THAP4: variants seen among roughly 807,000 people sequenced by gnomAD.
THAP4 encodes the protein THAP domain containing 4.
THAP4 carries 18 observed loss-of-function variants against 48.1 expected under a neutral mutation model. The ratio of observed to expected loss-of-function variants is 0.37; its 90% CI spans 0.26 to 0.56. The LOEUF is 0.56. THAP4 is among the 20% of genes least tolerant of loss of function. THAP4 has a pLI of 0.78. For missense variants in THAP4, 656 were observed against 774.9 expected (o/e 0.85, Z 1.82); for synonymous variants, 345 against 324.9 (o/e 1.06, Z -0.66).
rs1195701437 is a variant in THAP4 at position 241,585,918 on chromosome 2, AAAAAAAAAAAAG to A, written c.1615-1205_1615-1194del. 4.9e-5 allele frequency among the ~76,000 whole-genome samples: 7 copies of A among 142,974 alleles called. No individual in the cohort carries two copies. The South Asian group carries it at 9.4e-4, about 19-fold the overall frequency. The allele number at this position is 142,974 out of a possible 152,430, so 93.8% of individuals were successfully genotyped here. A position where few individuals can be genotyped will look rare whatever the true frequency, so the allele number is the denominator to read the frequency against. ...ACAGAGCAAGACTCCTTCTCAAAAA[AAAAAAAAAAAAG>A]AAAAAAAAAAGAAAAAGAAAAAGAA... On this transcript the variant is annotated intron_variant, in intron 5 of 5. Transcript: ENST00000407315.
chr2:241,587,269 G>A (rs189383647), intron 5 of THAP4, among the ~76,000 whole-genome samples: 49 of 152,264 alleles, frequency 3.2e-4, no homozygotes, highest in Admixed American at 6.5e-4. Context: ...AAGATAAGGC[G>A]AATATGTCCA....
chr2:241,626,028 C>T (rs541630514), intron 2 of THAP4, among the ~76,000 whole-genome samples: 10 of 152,006 alleles, frequency 6.6e-5, no homozygotes, highest in Non-Finnish European at 1.3e-4. Flanking sequence ...ATCATCTGAC[C>T]GTAAATCACA....
At chr2:241,635,148 C>T (rs762164533) in intron 1 of THAP4, among the ~76,000 whole-genome samples, 3 of 152,184 alleles carry the variant, frequency 2.0e-5, no homozygotes, top group Non-Finnish European at 4.4e-5. Context: ...GGCTGGGAGC[C>T]GTGGCTCATG....
intron 2 of THAP4, among the ~76,000 whole-genome samples, chr2:241,617,930 G>C (rs1457720028): frequency 6.6e-6 from 1 of 152,238 alleles, no homozygotes; most frequent in Non-Finnish European, 1.5e-5. Flanking sequence ...CCCAGGACAG[G>C]AAGTGAGCAA....
intron 2 of THAP4, among the ~76,000 whole-genome samples, chr2:241,628,718 G>A (rs553225979): frequency 3.0e-4 from 44 of 146,976 alleles, no homozygotes; most frequent in African/African-American, 1.0e-3. Flanking sequence ...TGGCCAACAT[G>A]GCAAAACCCC....
intron 2 of THAP4, among the ~76,000 whole-genome samples, chr2:241,614,518 A>G (rs1166555210): frequency 6.6e-6 from 1 of 152,252 alleles, no homozygotes; most frequent in Non-Finnish European, 1.5e-5. Context: ...ATGAATACAA[A>G]TAAAACAAAA....
chr2:241,617,602 A>C, intron 2 of THAP4: 2 of 784,504 alleles, frequency 2.5e-6, no homozygotes, highest in Admixed American at 3.1e-5. Flanking sequence ...GTAAAAGACA[A>C]TGACAGCCCA....
At chr2:241,591,738 C>A (rs1215306528) in intron 5 of THAP4, among the ~76,000 whole-genome samples, 1 of 152,138 alleles carries the variant, frequency 6.6e-6, no homozygotes, top group Non-Finnish European at 1.5e-5. Context: ...GATTAATGAC[C>A]TAAAGGAAAG....
At chr2:241,622,804 T>C (rs1365842167) in intron 2 of THAP4, among the ~76,000 whole-genome samples, 1 of 152,156 alleles carries the variant, frequency 6.6e-6, no homozygotes, top group African/African-American at 2.4e-5. Context: ...GGTCTCACTA[T>C]GTTGCCCAGG....
intron 5 of THAP4, among the ~76,000 whole-genome samples, chr2:241,594,381 C>T (rs1366610735): frequency 4.6e-5 from 7 of 152,158 alleles, no homozygotes; most frequent in East Asian, 1.9e-4. Context: ...CCCAGGAGTT[C>T]GAGACCAGCC....
In THAP4 at chr2:241,635,876, G is replaced by C. The variant is rs139724935; in HGVS notation, c.77+1065C>G. On this transcript the variant is annotated intron_variant, in intron 1 of 5. Transcript: ENST00000407315. ...CTCCACCTGAGGCCAGTGTGGACCA[G>C]GACAAATCCTAACAGGATGGACTGG... Among the ~76,000 whole-genome samples, 174 of 152,290 alleles carry C rather than the reference G, an allele frequency of 1.1e-3. 1 individual carries two copies. In the East Asian group the frequency reaches 0.027, roughly 24 times the overall value.
intron 5 of THAP4, among the ~76,000 whole-genome samples, chr2:241,599,294 C>A (rs1489923171): frequency 6.6e-6 from 1 of 151,344 alleles, no homozygotes; most frequent in Non-Finnish European, 1.5e-5. Flanking sequence ...AGTAAGTAAT[C>A]TACAGTGAGC....
chr2:241,621,337 G>C (rs1224481400), intron 2 of THAP4, among the ~76,000 whole-genome samples: 1 of 152,116 alleles, frequency 6.6e-6, no homozygotes, highest in African/African-American at 2.4e-5. Flanking sequence ...AACAGAGCAA[G>C]ACTCCATCTC....
At position 241,610,409 on chromosome 2, in the gene THAP4, G is replaced by T. The variant is rs768442943; in HGVS notation, c.1241-3936C>A. On this transcript the variant is annotated intron_variant, in intron 2 of 5. Coordinates refer to ENST00000407315, the MANE Select transcript of THAP4 (RefSeq NM_015963.6). This position sits in a 1 kb window ranked among gnomAD's most constrained non-coding sequence, Gnocchi z 4.2. ...GCGCCCTGTTTGGGGAGCGGCAGAG[G>T]AGTCAGGGCGGAGGCTGGGCGGCGC... 2.0e-5 allele frequency among the ~76,000 whole-genome samples: 3 copies of T among 152,196 alleles called. No homozygotes were observed. The highest frequency in any genetic ancestry group is 2.9e-5 in the Non-Finnish European group (2 of 68,030).
At position 241,603,407 on chromosome 2, in the gene THAP4, C is replaced by G. The variant is rs1199948206; in HGVS notation, c.1401-328G>C. Among the ~76,000 whole-genome samples, 15 of 137,782 alleles carry G rather than the reference C, an allele frequency of 1.1e-4. No individual in the cohort carries two copies. In the Admixed American group the frequency reaches 1.1e-3, roughly 10 times the overall value. The allele number at this position is 137,782 out of a possible 152,430, so 90.4% of individuals were successfully genotyped here. ...CCAGCCACACCCGCACACCTGCCCG[C>G]CCCCTCCAGCGCCTTGCTCATTTTG... On this transcript the variant is annotated intron_variant, in intron 3 of 5. Coordinates refer to ENST00000407315, the MANE Select transcript of THAP4 (RefSeq NM_015963.6).
At position 241,602,052 on chromosome 2, in the gene THAP4, G is replaced by C. The variant is rs1398732225; in HGVS notation, c.1511-53C>G. The C allele has an allele frequency of 1.9e-5, 30 of 1,566,726 alleles. No individual in the cohort carries two copies. The African/African-American group carries it at 3.4e-4, about 18-fold the overall frequency. ...CAGCAGCTGCTCGGCTTGCAGAGAG[G>C]CAGCCTTGACTCTCCTTGCCTGCAA... is the stretch of plus-strand genomic sequence containing the variant. On this transcript the variant is annotated intron_variant, in intron 4 of 5. Transcript: ENST00000407315.
intron 3 of THAP4, among the ~76,000 whole-genome samples, chr2:241,605,274 G>C (rs1258295938): frequency 6.6e-6 from 1 of 152,188 alleles, no homozygotes; most frequent in East Asian, 1.9e-4. Flanking sequence ...GGGGGTCTGA[G>C]AGCCAGGTGC....
rs556699701 is a variant in THAP4, at chr2:241,606,176, G to A, written c.1400+138C>T. 8 of 708,314 alleles carry A rather than the reference G, an allele frequency of 1.1e-5. No individual in the cohort carries two copies. In the South Asian group the frequency reaches 1.8e-4, roughly 16 times the overall value. 43.9% of individuals were successfully genotyped at this position (708,314 alleles called of 1,614,324 possible). On this transcript the variant is annotated intron_variant, in intron 3 of 5. Coordinates refer to ENST00000407315, the MANE Select transcript of THAP4 (RefSeq NM_015963.6). ...TCTCAGTTGCACATTCAGGCAAGAG[G>A]ACACCTTTCTGAAATAGATGGACAA... is the stretch of plus-strand genomic sequence containing the variant.
At position 241,637,111 on chromosome 2, in the gene THAP4, G is replaced by C. The variant is rs1346357103; in HGVS notation, c.-94C>G. The stretch of plus-strand genomic sequence containing the variant: ...GAGGGAGGGAGCGCGGCGGCGACAC[G>C]GCTCGGGACGTGGGCCGGCCCGCGG... On this transcript the variant is annotated 5_prime_UTR_variant, in exon 1 of 6. Transcript: ENST00000407315. The C allele has an allele frequency of 9.9e-7, 1 of 1,009,420 alleles. No homozygotes were observed. The highest frequency in any genetic ancestry group is 1.2e-6 in the Non-Finnish European group (1 of 849,060). 62.5% of individuals were successfully genotyped at this position (1,009,420 alleles called of 1,614,324 possible). A position where few individuals can be genotyped will look rare whatever the true frequency, so the allele number is the denominator to read the frequency against.
Sources: gnomAD v4.1 joint callset for allele counts (sites outside exome capture counted in the v4.1 genomes callset) on GRCh38, gnomAD v4.1.1 for gene constraint, Gnocchi (gnomAD v3.1) non-coding constraint, MANE v1.5 for transcripts, NCBI Gene and HGNC (gene_info 2026-07-23, HGNC 2026-07-21) for gene names.